LRRIQ1: variants seen among roughly 807,000 people sequenced by gnomAD.
The protein encoded by LRRIQ1 is leucine-rich repeat- and IQ domain-containing protein 1.
A neutral mutation model predicts 211.9 loss-of-function variants in LRRIQ1; 210 were observed. The ratio of observed to expected loss-of-function variants is 0.99; its 90% CI spans 0.89 to 1.11. The LOEUF is 1.11. Among genes scored for constraint, LRRIQ1 ranks in the 50% most tolerant of loss-of-function variants. The pLI is 0.00. For synonymous variants in LRRIQ1, 699 were observed against 650.1 expected, an observed-to-expected ratio of 1.08 and a Z score of -1.14; for missense variants, 2,136 against 1,939.5, an observed-to-expected ratio of 1.10 and a Z score of -1.90.
At position 85,047,305 on chromosome 12, in the gene LRRIQ1, T is replaced by C. The variant is rs1201358177; in HGVS notation, c.513T>C (p.Phe171=). 1 of 1,612,386 alleles carries C rather than the reference T, an allele frequency of 6.2e-7. No homozygotes were observed. Among genetic ancestry groups the C allele is most frequent in the Admixed American group, 1.7e-5 (1 of 59,816 alleles). The change falls in exon 6 of 27, where the codon TTT becomes TTC. Residue 171 remains phenylalanine, a synonymous_variant. Transcript: ENST00000393217. ...TGGAAGAAAAATGTAGACAGTCTTT[T>C]GAGGCTTGGCAAGAGAAACAGAAGG... ...CEVEEKCRQS[F]EAWQEKQKEL...
intron 8 of LRRIQ1, among the ~76,000 whole-genome samples, chr12:85,059,874 A>G (rs1312042217): frequency 6.6e-6 from 1 of 151,986 alleles, no homozygotes; most frequent in Non-Finnish European, 1.5e-5. Flanking sequence ...AAGAACTGCA[A>G]TTGAATGTTA....
intron 26 of LRRIQ1, among the ~76,000 whole-genome samples, chr12:85,244,545 A>C (rs561695746): frequency 1.3e-5 from 2 of 151,850 alleles, no homozygotes; most frequent in Non-Finnish European, 3.0e-5. Flanking sequence ...TACTGTACTA[A>C]AATGTTTTCT....
chr12:85,201,641 C>T (rs1172467424), intron 24 of LRRIQ1, among the ~76,000 whole-genome samples: 1 of 151,988 alleles, frequency 6.6e-6, no homozygotes, highest in Non-Finnish European at 1.5e-5. Flanking sequence ...ATGTCCCCTT[C>T]GTCATTACTG....
intron 19 of LRRIQ1, among the ~76,000 whole-genome samples, chr12:85,142,466 G>C (rs1853338418): frequency 2.0e-5 from 3 of 151,484 alleles, no homozygotes; most frequent in Non-Finnish European, 4.4e-5. Context: ...CATTTTTATA[G>C]TGAGAATACT....
At chr12:85,191,281 T>C (rs1381232898) in intron 24 of LRRIQ1, among the ~76,000 whole-genome samples, 1 of 151,980 alleles carries the variant, frequency 6.6e-6, no homozygotes, top group Non-Finnish European at 1.5e-5. Context: ...CCATACAAAA[T>C]AGTTTCTCTG....
intron 1 of LRRIQ1, among the ~76,000 whole-genome samples, chr12:85,259,228 A>G (rs1017630416): frequency 2.0e-5 from 3 of 152,094 alleles, no homozygotes; most frequent in Admixed American, 6.6e-5. Context: ...CAATTGTCAA[A>G]GATTTGTTAG....
chr12:85,165,622 G>A (rs1456485823), intron 24 of LRRIQ1, among the ~76,000 whole-genome samples: 1 of 151,562 alleles, frequency 6.6e-6, no homozygotes, highest in African/African-American at 2.4e-5. Flanking sequence ...ACAGGCACAC[G>A]CCACCACGCC....
intron 15 of LRRIQ1, among the ~76,000 whole-genome samples, chr12:85,118,626 T>C (rs1459835240): frequency 6.6e-6 from 1 of 152,024 alleles, no homozygotes; most frequent in East Asian, 1.9e-4. Context: ...ATTATTACTT[T>C]GGTTGGCCCT....
intron 8 of LRRIQ1, among the ~76,000 whole-genome samples, chr12:85,057,825 T>C (rs1034244048): frequency 2.0e-5 from 3 of 152,034 alleles, no homozygotes; most frequent in Non-Finnish European, 2.9e-5. Flanking sequence ...GAGAAAATAA[T>C]ATTTTAAACA....
intron 24 of LRRIQ1, among the ~76,000 whole-genome samples, chr12:85,185,235 A>G (rs1892170260): frequency 6.6e-6 from 1 of 151,892 alleles, no homozygotes; most frequent in African/African-American, 2.4e-5. Context: ...ATGTTGAACT[A>G]TTGCCAATTC....
chr12:85,236,898 C>A (rs1360021602), intron 26 of LRRIQ1, among the ~76,000 whole-genome samples: 1 of 135,024 alleles, frequency 7.4e-6, no homozygotes, highest in African/African-American at 3.0e-5. Context: ...AGAATATATA[C>A]CAAGAAGTGT....
At chr12:85,144,382 T>C (rs1021963157) in intron 19 of LRRIQ1, among the ~76,000 whole-genome samples, 4 of 151,540 alleles carry the variant, frequency 2.6e-5, no homozygotes, top group Admixed American at 6.6e-5. Flanking sequence ...AAATATATAG[T>C]AGAAAATAAG....
intron 18 of LRRIQ1, among the ~76,000 whole-genome samples, chr12:85,132,911 C>T (rs1251835119): frequency 2.0e-5 from 3 of 151,430 alleles, no homozygotes; most frequent in Non-Finnish European, 4.4e-5. Context: ...ACATGCCAAT[C>T]ATAAAGAGGG....
chr12:85,043,773 C>T (rs1879197300), intron 3 of LRRIQ1, among the ~76,000 whole-genome samples: 1 of 152,056 alleles, frequency 6.6e-6, no homozygotes, highest in South Asian at 2.1e-4. Context: ...TAAAACTGGG[C>T]TGCATCAGAA....
chr12:85,258,681 C>T (rs1022765908), intron 1 of LRRIQ1, among the ~76,000 whole-genome samples: 1 of 151,902 alleles, frequency 6.6e-6, no homozygotes, highest in Admixed American at 6.6e-5. Context: ...AAACGCTTTG[C>T]TGCTAAAAAT....
chr12:85,141,220 A>G lies in LRRIQ1; in HGVS notation c.4329+3251A>G, dbSNP rs1316218302. Among the ~76,000 whole-genome samples the G allele has an allele frequency of 2.6e-5, 4 of 151,326 alleles. No individual in the cohort carries two copies. In the Admixed American group the frequency reaches 2.6e-4, roughly 10 times the overall value. ...TGTTTCATGTGAACATAAAAGGAGT[A>G]TGTATTCTGTAGGTAAGTATATTGT... On this transcript the variant is annotated intron_variant, in intron 19 of 26. Coordinates refer to ENST00000393217, the MANE Select transcript of LRRIQ1 (RefSeq NM_001079910.2).
chr12:85,174,943 A>G (rs988056828), intron 24 of LRRIQ1, among the ~76,000 whole-genome samples: 3 of 152,056 alleles, frequency 2.0e-5, no homozygotes, highest in African/African-American at 4.8e-5. Context: ...AAAGTCCTCC[A>G]AAAGGAAGAC....
chr12:85,252,620 G>T (rs1177669921), intron 1 of LRRIQ1, among the ~76,000 whole-genome samples: 4 of 151,466 alleles, frequency 2.6e-5, no homozygotes, highest in Non-Finnish European at 4.4e-5. Flanking sequence ...TTGTAAATCT[G>T]ATTAATTCTG....
intron 24 of LRRIQ1, among the ~76,000 whole-genome samples, chr12:85,201,000 T>A (rs545720518): frequency 6.6e-6 from 1 of 151,828 alleles, no homozygotes; most frequent in Non-Finnish European, 1.5e-5. Flanking sequence ...TTCTTTTTTT[T>A]TTGTATTTTT....
Sources: gnomAD v4.1 joint callset for allele counts (sites outside exome capture counted in the v4.1 genomes callset) on GRCh38, gnomAD v4.1.1 for gene constraint, MANE v1.5 for transcripts, NCBI Gene and HGNC (gene_info 2026-07-23, HGNC 2026-07-21) for gene names.